Variants in PTK2 observed in about 807,000 individuals in gnomAD.
PTK2 encodes the protein focal adhesion kinase 1.
In PTK2, 45 loss-of-function variants were observed where a neutral mutation model predicts 150.1. The ratio of observed to expected loss-of-function variants is 0.30; its 90% CI spans 0.24 to 0.38. The LOEUF is 0.38. Ranked by LOEUF, PTK2 falls within the 10% of genes least tolerant of loss-of-function variation. PTK2 has a pLI of 1.00. For missense variants in PTK2, 919 were observed against 1,307.3 expected (o/e 0.70, Z 4.58); for synonymous variants, 432 against 449.2 (o/e 0.96, Z 0.48).
chr8:140,848,156 A>G (rs893240338), intron 5 of PTK2, among the ~76,000 whole-genome samples: 10 of 152,228 alleles, frequency 6.6e-5, no homozygotes, highest in African/African-American at 2.4e-4. Flanking sequence ...AAGCGCTACA[A>G]TTCACTGATT....
chr8:140,687,404 C>T (rs2100020578), intron 26 of PTK2, among the ~76,000 whole-genome samples: 1 of 152,206 alleles, frequency 6.6e-6, no homozygotes, highest in Admixed American at 6.5e-5. Context: ...GAGCCAGACA[C>T]CCTTTCTTGG....
chr8:140,944,623 T>C (rs2100177039), intron 1 of PTK2, among the ~76,000 whole-genome samples: 1 of 152,226 alleles, frequency 6.6e-6, no homozygotes, highest in South Asian at 2.1e-4. Flanking sequence ...TTATGACTAT[T>C]TCCTTCAGCC....
intron 1 of PTK2, among the ~76,000 whole-genome samples, chr8:140,946,267 T>C (rs1450553265): frequency 6.6e-6 from 1 of 152,134 alleles, no homozygotes; most frequent in Non-Finnish European, 1.5e-5. Flanking sequence ...AAAACAAAGC[T>C]GAACAAGAAA....
At chr8:140,725,241 C>T (rs1436171002) in intron 22 of PTK2, among the ~76,000 whole-genome samples, 1 of 151,540 alleles carries the variant, frequency 6.6e-6, no homozygotes, top group African/African-American at 2.4e-5. Flanking sequence ...TCATGTGATC[C>T]TCCCATCTCA....
chr8:140,907,212 CA>C (rs1332120578), intron 2 of PTK2, among the ~76,000 whole-genome samples: 1 of 152,176 alleles, frequency 6.6e-6, no homozygotes, highest in Non-Finnish European at 1.5e-5. Flanking sequence ...GTTGAATAAC[CA>C]CTCTAGTCCT....
intron 1 of PTK2, among the ~76,000 whole-genome samples, chr8:140,936,293 A>G (rs1403871797): frequency 1.3e-5 from 2 of 152,210 alleles, no homozygotes; most frequent in African/African-American, 4.8e-5. Flanking sequence ...TACATCACCT[A>G]AAGAGGTCAA....
chr8:140,990,576 G>A (rs764712895), intron 1 of PTK2, among the ~76,000 whole-genome samples: 22 of 152,204 alleles, frequency 1.4e-4, no homozygotes, highest in Non-Finnish European at 2.5e-4. Flanking sequence ...GTTCCAGGTC[G>A]ATTTTCCCAC....
intron 27 of PTK2, among the ~76,000 whole-genome samples, chr8:140,677,255 G>A (rs2100014454): frequency 1.3e-5 from 2 of 152,084 alleles, no homozygotes; most frequent in Non-Finnish European, 2.9e-5. Flanking sequence ...GTAGCACTGG[G>A]TGTGTAGATT....
In PTK2 at chr8:140,700,750, GCC is replaced by G. The variant is rs2100029751; in HGVS notation, c.2499+139_2499+140del. 3.6e-6 allele frequency: 4 copies of G among 1,110,400 alleles called. No homozygotes were observed. The South Asian group carries it at 4.6e-5, about 13-fold the overall frequency. 68.8% of individuals were successfully genotyped at this position (1,110,400 alleles called of 1,614,324 possible). A position where few individuals can be genotyped will look rare whatever the true frequency, so the allele number is the denominator to read the frequency against. On this transcript the variant is annotated intron_variant, in intron 26 of 31. Transcript: ENST00000522684. ...CTCAGCCTCCCAAATAGGCCACCAT[GCC>G]TGGCCTATTCCAAGTTTTAAGAAGT...
At chr8:140,686,896 C>T (rs2100020242) in intron 26 of PTK2, 1 of 570,588 alleles carries the variant, frequency 1.8e-6, no homozygotes, top group Non-Finnish European at 3.1e-6. Context: ...TCCACACACG[C>T]ACACCTTACA....
At chr8:140,838,168 A>T (rs4961235) in intron 7 of PTK2, among the ~76,000 whole-genome samples, 146,478 of 152,320 alleles carry the variant, frequency 0.96, 70,613 homozygotes, top group Non-Finnish European at 1. Flanking sequence ...TGTGGAACAT[A>T]TCATGAGTTT....
intron 22 of PTK2, among the ~76,000 whole-genome samples, chr8:140,723,372 T>C (rs1287852344): frequency 6.6e-6 from 1 of 152,184 alleles, no homozygotes. Context: ...CAAAATAGCC[T>C]GTCAAAACGT....
intron 2 of PTK2, chr8:140,920,773 G>T: frequency 7.1e-7 from 1 of 1,404,774 alleles, no homozygotes; most frequent in African/African-American, 1.5e-5. Context: ...GCAAAAGCAT[G>T]AATTCAAATA....
intron 1 of PTK2, among the ~76,000 whole-genome samples, chr8:140,951,368 G>A (rs555994110): frequency 6.6e-6 from 1 of 152,262 alleles, no homozygotes; most frequent in Admixed American, 6.5e-5. Context: ...ACTTACGAAG[G>A]GGAACTCTGT....
At chr8:140,797,999 GAACT>G (rs1475950516) in intron 12 of PTK2, among the ~76,000 whole-genome samples, 1 of 151,950 alleles carries the variant, frequency 6.6e-6, no homozygotes, top group African/African-American at 2.4e-5. Flanking sequence ...GTAGATCAAA[GAACT>G]AACAAAATGC....
At chr8:140,914,462 T>C (rs2100164397) in intron 2 of PTK2, among the ~76,000 whole-genome samples, 1 of 151,872 alleles carries the variant, frequency 6.6e-6, no homozygotes, top group African/African-American at 2.4e-5. Context: ...GGGGTACACA[T>C]GAAGGTTTGT....
intron 1 of PTK2, among the ~76,000 whole-genome samples, chr8:140,974,572 T>C (rs2100188579): frequency 6.6e-6 from 1 of 152,208 alleles, no homozygotes; most frequent in African/African-American, 2.4e-5. Flanking sequence ...TTGCATGTGT[T>C]TGCATTTTAC....
chr8:140,803,302 G>T (rs1026790781), intron 11 of PTK2, among the ~76,000 whole-genome samples: 1 of 151,932 alleles, frequency 6.6e-6, no homozygotes, highest in Non-Finnish European at 1.5e-5. Context: ...CTGGCCTGAT[G>T]ATAATCTTTA....
At chr8:140,976,165 C>G (rs2100189196) in intron 1 of PTK2, among the ~76,000 whole-genome samples, 1 of 152,138 alleles carries the variant, frequency 6.6e-6, no homozygotes, top group African/African-American at 2.4e-5. Context: ...AAAGGCAGAG[C>G]CAATATTTGA....
Sources: allele counts gnomAD v4.1 joint callset (sites outside exome capture counted in the v4.1 genomes callset), GRCh38; gene constraint gnomAD v4.1.1; transcripts MANE v1.5; gene names NCBI Gene and HGNC (gene_info 2026-07-23, HGNC 2026-07-21).